Variants in PCBP3 observed in about 807,000 individuals in gnomAD.
PCBP3 encodes poly(rC) binding protein 3.
A neutral mutation model predicts 52.7 loss-of-function variants in PCBP3; 25 were observed. That is an observed-to-expected ratio of 0.47 (90% CI 0.35 to 0.66). The LOEUF is 0.66. Ranked by LOEUF, PCBP3 falls within the 30% of genes least tolerant of loss-of-function variation. PCBP3 has a pLI of 0.01. For synonymous variants in PCBP3, 162 were observed against 183.0 expected (o/e 0.89, Z 0.93); for missense variants, 391 against 490.3 (o/e 0.80, Z 1.91).
rs975708363 is a variant in PCBP3, at chr21:45,899,602, G to C, written c.169G>C (p.Val57Leu). Residue 57 changes from valine (V) to leucine (L), a missense_variant, in exon 7 of 18, where the codon GTT (valine) becomes CTT (leucine). Coordinates refer to ENST00000681687, the MANE Select transcript of PCBP3 (RefSeq NM_001384156.1). Reference protein sequence around the residue: ...TIRLLMHGKEVGSIIGKKGET... With the variant: ...TIRLLMHGKELGSIIGKKGET... ...TGTGATTTTTTTTTTCTTGCAGGAA[G>C]TTGGAAGCATCATCGGGAAGGTAAT... 5 of 1,610,344 alleles carry C rather than the reference G, an allele frequency of 3.1e-6. No individual in the cohort carries two copies. The highest frequency in any genetic ancestry group is 4.2e-6 in the Non-Finnish European group (5 of 1,176,700).
chr21:45,864,903 A>G (rs1433869622), intron 5 of PCBP3, among the ~76,000 whole-genome samples: 1 of 152,220 alleles, frequency 6.6e-6, no homozygotes, highest in Non-Finnish European at 1.5e-5. Flanking sequence ...ACCCTTGATA[A>G]CAAAAAGAAG....
At position 45,648,796 on chromosome 21, in the gene PCBP3, A is replaced by C. The variant is rs545288044; in HGVS notation, c.-279+4928A>C. On this transcript the variant is annotated intron_variant, in intron 1 of 17. Coordinates refer to ENST00000681687, the MANE Select transcript of PCBP3 (RefSeq NM_001384156.1). ...TTGGCCACTTGAGCTTCTTCTAAAA[A>C]TTGTATTCTTATATTGTTTGTCCAC... Among the ~76,000 whole-genome samples the C allele has an allele frequency of 7.4e-4, 113 of 152,316 alleles. No homozygotes were observed. The South Asian group carries it at 0.022, about 30-fold the overall frequency.
At chr21:45,876,211 C>T (rs1405626034) in intron 5 of PCBP3, among the ~76,000 whole-genome samples, 1 of 152,194 alleles carries the variant, frequency 6.6e-6, no homozygotes, top group Non-Finnish European at 1.5e-5. Context: ...GTGTCAGAGC[C>T]CAGACTTGAC....
intron 4 of PCBP3, among the ~76,000 whole-genome samples, chr21:45,769,391 G>A (rs1481856222): frequency 6.6e-6 from 1 of 152,252 alleles, no homozygotes; most frequent in Non-Finnish European, 1.5e-5. Flanking sequence ...ATTAGAAGAC[G>A]CGGGTGCTCA....
chr21:45,921,226 T>G lies in PCBP3; in HGVS notation c.717+3597T>G, dbSNP rs563480465. 1.8e-3 allele frequency among the ~76,000 whole-genome samples: 184 copies of G among 102,966 alleles called. 1 individual carries two copies. The highest frequency in any genetic ancestry group is 4.0e-3 in the Non-Finnish European group (153 of 37,934). 67.5% of individuals were successfully genotyped at this position (102,966 alleles called of 152,430 possible). On this transcript the variant is annotated intron_variant, in intron 13 of 17. Transcript: ENST00000681687. ...TAGTAGAAATTTTTAAAGCTTCAAT[T>G]TCTTACTATATCAATATAATTATAG... is the stretch of plus-strand genomic sequence containing the variant.
intron 4 of PCBP3, among the ~76,000 whole-genome samples, chr21:45,818,845 T>C (rs1488028893): frequency 1.3e-5 from 2 of 152,184 alleles, no homozygotes; most frequent in Non-Finnish European, 2.9e-5. Flanking sequence ...AAATGAGCTG[T>C]CAAACCATGA....
At chr21:45,846,094 C>T (rs886977246) in intron 4 of PCBP3, among the ~76,000 whole-genome samples, 1 of 152,214 alleles carries the variant, frequency 6.6e-6, no homozygotes, top group South Asian at 2.1e-4. Flanking sequence ...CTCCCCTGGG[C>T]GTGTGCGTGA....
intron 2 of PCBP3, among the ~76,000 whole-genome samples, chr21:45,695,290 T>C (rs2082702813): frequency 6.6e-6 from 1 of 152,222 alleles, no homozygotes; most frequent in Non-Finnish European, 1.5e-5. Context: ...CAGAGGGTGC[T>C]GGAGGGACAC....
At chr21:45,899,499 C>G in intron 6 of PCBP3, 100 bp from the exon 7 acceptor site, 2 of 845,146 alleles carry the variant, frequency 2.4e-6, no homozygotes, top group South Asian at 2.9e-5. Context: ...CTTCTGCACT[C>G]ATACCGGGAA....
chr21:45,696,744 T>G (rs933867967), intron 2 of PCBP3, among the ~76,000 whole-genome samples: 3 of 151,698 alleles, frequency 2.0e-5, no homozygotes, highest in Non-Finnish European at 4.4e-5. Flanking sequence ...TGAGCCGAGA[T>G]TGCGCCATTG....
intron 4 of PCBP3, among the ~76,000 whole-genome samples, chr21:45,772,137 T>C (rs1338317398): frequency 6.6e-6 from 1 of 152,192 alleles, no homozygotes; most frequent in African/African-American, 2.4e-5. Context: ...CACCCTACTC[T>C]GATATTATTG....
At chr21:45,807,086 G>A (rs1035285374) in intron 4 of PCBP3, among the ~76,000 whole-genome samples, 2 of 152,114 alleles carry the variant, frequency 1.3e-5, no homozygotes, top group African/African-American at 4.8e-5. Context: ...AATATCACAC[G>A]AATGGGCAAA....
intron 11 of PCBP3, among the ~76,000 whole-genome samples, chr21:45,913,657 A>G (rs1036430435): frequency 6.6e-6 from 1 of 152,130 alleles, no homozygotes; most frequent in Non-Finnish European, 1.5e-5. Flanking sequence ...AGAGCCTCCC[A>G]GGGATGTTCG....
At position 45,741,301 on chromosome 21, in the gene PCBP3, C is replaced by T. The variant is rs1047256163; in HGVS notation, c.-162+5872C>T. Among the ~76,000 whole-genome samples, 1 of 152,202 alleles carries T rather than the reference C, an allele frequency of 6.6e-6. No individual in the cohort carries two copies. On this transcript the variant is annotated intron_variant, in intron 3 of 17. Coordinates refer to ENST00000681687, the MANE Select transcript of PCBP3 (RefSeq NM_001384156.1). The surrounding 1 kb of genome is among the most constrained non-coding windows in gnomAD (Gnocchi z 4.5). ...ACACCAAAGAAAGCAGTGGGGAGGCCCTTATTCACTGTGAGAAGCAGAAAC... is the reference window on the plus strand; with the variant it reads ...ACACCAAAGAAAGCAGTGGGGAGGCTCTTATTCACTGTGAGAAGCAGAAAC...
intron 13 of PCBP3, among the ~76,000 whole-genome samples, chr21:45,919,926 A>T (rs1487059648): frequency 6.6e-6 from 1 of 152,172 alleles, no homozygotes; most frequent in Non-Finnish European, 1.5e-5. Flanking sequence ...TGTGTGAAGG[A>T]AGATGAAGAT....
chr21:45,880,554 A>G lies in PCBP3; in HGVS notation c.11-15654A>G, dbSNP rs892298783. Among the ~76,000 whole-genome samples, 6 of 152,358 alleles carry G rather than the reference A, an allele frequency of 3.9e-5. No homozygotes were observed. The highest frequency in any genetic ancestry group is 7.2e-5 in the African/African-American group (3 of 41,580). On this transcript the variant is annotated intron_variant, in intron 5 of 17. Transcript: ENST00000681687. The surrounding 1 kb of genome is among the most constrained non-coding windows in gnomAD (Gnocchi z 5.4). ...GGAAATTGAGCTGGGCTCAGTGCTC[A>G]TGGTGTGAATCTGTCTAATCCTTAA... is the stretch of plus-strand genomic sequence containing the variant.
intron 3 of PCBP3, among the ~76,000 whole-genome samples, chr21:45,747,477 C>A (rs1427753960): frequency 2.0e-5 from 3 of 152,350 alleles, no homozygotes; most frequent in Non-Finnish European, 2.9e-5. Flanking sequence ...CAAGCCCTAA[C>A]ATCCATAGGT....
chr21:45,851,915 T>G (rs2094022585), intron 5 of PCBP3, among the ~76,000 whole-genome samples: 1 of 152,236 alleles, frequency 6.6e-6, no homozygotes, highest in Non-Finnish European at 1.5e-5. Flanking sequence ...ATTTCTAACT[T>G]ACACAGATTG....
At chr21:45,694,729 A>G (rs1281369142) in intron 2 of PCBP3, among the ~76,000 whole-genome samples, 1 of 152,252 alleles carries the variant, frequency 6.6e-6, no homozygotes, top group Non-Finnish European at 1.5e-5. Context: ...CAGCAGCAGT[A>G]AAATCAAAAG....
Sources: allele counts gnomAD v4.1 joint callset (sites outside exome capture counted in the v4.1 genomes callset), GRCh38; gene constraint gnomAD v4.1.1; non-coding constraint Gnocchi (gnomAD v3.1); transcripts MANE v1.5; gene names NCBI Gene and HGNC (gene_info 2026-07-23, HGNC 2026-07-21).